Variants in IQCM observed in about 807,000 individuals in gnomAD.
The protein encoded by IQCM is IQ motif containing M.
Under a neutral mutation model 57.6 loss-of-function variants are expected in IQCM, and 45 were observed. That is an observed-to-expected ratio of 0.78 (90% CI 0.62 to 1.00). The LOEUF is 1.00. Among genes scored for constraint, IQCM ranks in the 50% least tolerant of loss-of-function variants. The probability of loss-of-function intolerance (pLI) is 0.00; values close to 1 mark genes in which losing one functional copy is unlikely to be tolerated. For missense variants in IQCM, 468 were observed against 511.6 expected (o/e 0.91, Z 0.82); for synonymous variants, 148 against 158.9 (o/e 0.93, Z 0.51).
intron 9 of IQCM, among the ~76,000 whole-genome samples, chr4:149,586,506 C>A (rs990121419): frequency 5.3e-5 from 8 of 151,470 alleles, no homozygotes; most frequent in Non-Finnish European, 7.4e-5. Flanking sequence ...TTTTTAAAAA[C>A]TGGTCTTAAA....
intron 13 of IQCM, among the ~76,000 whole-genome samples, chr4:149,358,847 T>TATATCATGATATACTCTCATGAGC (rs1729222977): frequency 6.6e-6 from 1 of 151,318 alleles, no homozygotes; most frequent in Non-Finnish European, 1.5e-5. Flanking sequence ...CAGTGGACAG[T>TATATCATGATATACTCTCATGAGC]ATATCATGAT....
chr4:149,739,705 GA>G (rs1300553899), intron 3 of IQCM, among the ~76,000 whole-genome samples: 1 of 151,992 alleles, frequency 6.6e-6, no homozygotes, highest in Non-Finnish European at 1.5e-5. Context: ...TGAAGAGGTT[GA>G]AATGGTCATA....
intron 8 of IQCM, among the ~76,000 whole-genome samples, chr4:149,602,398 A>G (rs970846761): frequency 2.0e-5 from 3 of 152,144 alleles, no homozygotes; most frequent in Non-Finnish European, 4.4e-5. Context: ...CCTCTTTATT[A>G]TCATCTACAT....
At chr4:149,492,660 G>A (rs1346026313) in intron 12 of IQCM, among the ~76,000 whole-genome samples, 1 of 151,964 alleles carries the variant, frequency 6.6e-6, no homozygotes, top group African/African-American at 2.4e-5. Flanking sequence ...ACCTGGTCTG[G>A]GAATTTCTAA....
chr4:149,753,660 A>C (rs1464003150), intron 2 of IQCM, among the ~76,000 whole-genome samples: 1 of 151,970 alleles, frequency 6.6e-6, no homozygotes, highest in Admixed American at 6.6e-5. Flanking sequence ...CAGCACACCA[A>C]CATGGCTCAT....
chr4:149,458,459 C>T (rs1254323032), intron 12 of IQCM, among the ~76,000 whole-genome samples: 2 of 151,936 alleles, frequency 1.3e-5, no homozygotes, highest in African/African-American at 2.4e-5. Context: ...GAAAATAAAG[C>T]GAACATTTAA....
At chr4:149,686,541 G>T (rs971834853) in intron 5 of IQCM, 73 bp from the exon 6 acceptor site, 11 of 510,916 alleles carry the variant, frequency 2.2e-5, no homozygotes, top group Non-Finnish European at 3.0e-5. Flanking sequence ...AAATTCAATT[G>T]CAAATCACAG....
At chr4:149,729,468 T>G (rs936829598) in intron 5 of IQCM, among the ~76,000 whole-genome samples, 26 of 152,142 alleles carry the variant, frequency 1.7e-4, no homozygotes, top group African/African-American at 5.3e-4. Flanking sequence ...GTTGTTTTTT[T>G]TTTTGTTGTT....
At chr4:149,388,731 T>TATATATATATGACATATATA (rs896230370) in intron 13 of IQCM, among the ~76,000 whole-genome samples, 9 of 145,242 alleles carry the variant, frequency 6.2e-5, no homozygotes, top group Non-Finnish European at 7.5e-5. Flanking sequence ...TTCTCTGACA[T>TATATATATATGACATATATA]ATATATATAT....
intron 8 of IQCM, among the ~76,000 whole-genome samples, chr4:149,603,676 T>C (rs1049396489): frequency 1.3e-5 from 2 of 151,246 alleles, no homozygotes; most frequent in Non-Finnish European, 2.9e-5. Context: ...GAAAACTCCC[T>C]GACAAAATGA....
At chr4:149,654,686 G>A (rs1430200833) in intron 7 of IQCM, among the ~76,000 whole-genome samples, 1 of 152,146 alleles carries the variant, frequency 6.6e-6, no homozygotes, top group Admixed American at 6.6e-5. Context: ...CAAGCATTAT[G>A]AGAGGTAGTA....
chr4:149,481,706 T>TTTTTTTTTTTGTTTG (rs1560895944), intron 12 of IQCM, among the ~76,000 whole-genome samples: 18 of 133,388 alleles, frequency 1.3e-4, no homozygotes, highest in African/African-American at 4.8e-4. Context: ...GTTTTGTTTT[T>TTTTTTTTTTTGTTTG]TTTTTTTTTT....
At chr4:149,447,814 TGA>T (rs1736682425) in intron 12 of IQCM, among the ~76,000 whole-genome samples, 1 of 151,510 alleles carries the variant, frequency 6.6e-6, no homozygotes, top group Non-Finnish European at 1.5e-5. Context: ...GATATATGAA[TGA>T]AACTACAGAT....
chr4:149,548,386 G>T (rs181672757), intron 12 of IQCM, 69 bp downstream of exon 12: 1 of 1,180,740 alleles, frequency 8.5e-7, no homozygotes, highest in Admixed American at 4.2e-5. Flanking sequence ...ACTAAGGAAA[G>T]TTGGGAAAGA....
chr4:149,766,904 C>T (rs1770116915), intron 2 of IQCM, among the ~76,000 whole-genome samples: 1 of 152,054 alleles, frequency 6.6e-6, no homozygotes, highest in Admixed American at 6.6e-5. Context: ...GTTACTACTG[C>T]TACTCTTTTC....
At chr4:149,442,951 CACAGAGAGAGAGAGAGAGAG>C (rs1397867245) in intron 12 of IQCM, among the ~76,000 whole-genome samples, 13 of 111,204 alleles carry the variant, frequency 1.2e-4, no homozygotes, top group South Asian at 7.9e-4. Flanking sequence ...CACACACACA[CACAGAGAGAGAGAGAGAGAG>C]AGAGAGAGAG....
At chr4:149,448,773 G>C (rs1736776389) in intron 12 of IQCM, among the ~76,000 whole-genome samples, 1 of 151,672 alleles carries the variant, frequency 6.6e-6, no homozygotes, top group Admixed American at 6.6e-5. Context: ...AATTAACAAA[G>C]TTCACTCTAG....
intron 12 of IQCM, among the ~76,000 whole-genome samples, chr4:149,485,062 T>G (rs1741323242): frequency 6.6e-6 from 1 of 152,146 alleles, no homozygotes; most frequent in African/African-American, 2.4e-5. Context: ...AGTTTTCCAG[T>G]GAAAAGTCTG....
intron 12 of IQCM, among the ~76,000 whole-genome samples, chr4:149,501,120 G>A (rs1273785133): frequency 6.6e-6 from 1 of 152,078 alleles, no homozygotes; most frequent in Non-Finnish European, 1.5e-5. Context: ...TCCCTCTTCA[G>A]TGACTTTCCT....
Sources: gnomAD v4.1 joint callset for allele counts (sites outside exome capture counted in the v4.1 genomes callset) on GRCh38, gnomAD v4.1.1 for gene constraint, MANE v1.5 for transcripts, NCBI Gene and HGNC (gene_info 2026-07-23, HGNC 2026-07-21) for gene names.